The following HABP4 variants were observed in gnomAD, a reference collection of about 807,000 sequenced individuals.
HABP4 encodes the protein hyaluronan binding protein 4.
HABP4 carries 32 observed loss-of-function variants against 44.1 expected under a neutral mutation model. The ratio of observed to expected loss-of-function variants is 0.73; its 90% confidence interval spans 0.55 to 0.97. The LOEUF (loss-of-function observed/expected upper bound fraction) is 0.97. HABP4 is among the 50% of genes least tolerant of loss of function. The probability of loss-of-function intolerance (pLI) is 0.00; values close to 1 mark genes in which losing one functional copy is unlikely to be tolerated. For synonymous variants in HABP4, 216 were observed against 218.0 expected (o/e 0.99, Z 0.08); for missense variants, 503 against 561.9 (o/e 0.90, Z 1.06).
chr9:96,483,890 T>G (rs1485817743), intron 5 of HABP4: 3 of 152,318 alleles, frequency 2.0e-5, no homozygotes, highest in Non-Finnish European at 4.4e-5. Context: ...AAGCACCGTT[T>G]GTTGAAAATA....
chr9:96,450,302 C>T lies in HABP4; in HGVS notation c.23C>T (p.Pro8Leu). 6.9e-7 allele frequency: 1 copy of T among 1,440,492 alleles called. No homozygotes were observed. The highest frequency in any genetic ancestry group is 9.2e-7 in the Non-Finnish European group (1 of 1,084,070). The allele number at this position is 1,440,492 out of a possible 1,614,324, so 89.2% of individuals were successfully genotyped here. Reference sequence around the variant, plus strand: ...GGCATGAAGGGCGCTCTGGGGAGTCCCGTGGCTGCCGCTGGCGCCGCGATG... The same window carrying T: ...GGCATGAAGGGCGCTCTGGGGAGTCTCGTGGCTGCCGCTGGCGCCGCGATG... MKGALGS[P>L]VAAAGAAMQE... The change falls in exon 1 of 8, where the codon CCC becomes CTC. Residue 8 changes from proline to leucine, a missense_variant. By Grantham distance (98) the Pro-to-Leu change is moderately conservative. This residue lies in a region of HABP4 where 290 missense variants were observed against 300.5 expected (regional missense o/e 0.97). Coordinates refer to ENST00000375249, the MANE Select transcript of HABP4 (RefSeq NM_014282.4). The surrounding 1 kb of genome is among the most constrained non-coding windows in gnomAD (Gnocchi z 4.8).
chr9:96,485,470 C>T (rs1276984234), intron 6 of HABP4, among the ~76,000 whole-genome samples: 1 of 152,196 alleles, frequency 6.6e-6, no homozygotes, highest in African/African-American at 2.4e-5. Flanking sequence ...GAGATGAGTC[C>T]CCGAACGCTT....
chr9:96,466,330 A>G (rs1487086437), intron 4 of HABP4, among the ~76,000 whole-genome samples: 1 of 152,222 alleles, frequency 6.6e-6, no homozygotes, highest in East Asian at 1.9e-4. Flanking sequence ...AGATGGCACC[A>G]CTGCTCTCCA....
intron 2 of HABP4, among the ~76,000 whole-genome samples, chr9:96,465,075 C>T (rs185279689): frequency 3.0e-4 from 46 of 152,196 alleles, no homozygotes; most frequent in Non-Finnish European, 5.6e-4. Context: ...AGCCTACTCT[C>T]TGCTTCCGTT....
chr9:96,471,807 T>G (rs1367115376), intron 5 of HABP4, among the ~76,000 whole-genome samples: 4 of 152,050 alleles, frequency 2.6e-5, no homozygotes, highest in Non-Finnish European at 5.9e-5. Context: ...GGGTTTTTTT[T>G]GAGACAGAGT....
intron 2 of HABP4, among the ~76,000 whole-genome samples, chr9:96,464,383 A>AG (rs1832560947): frequency 6.6e-6 from 1 of 152,242 alleles, no homozygotes; most frequent in Non-Finnish European, 1.5e-5. Context: ...CCTCAAAAAA[A>AG]GAAATCTAAA....
At chr9:96,480,843 G>T (rs1321598460) in intron 5 of HABP4, among the ~76,000 whole-genome samples, 3 of 152,080 alleles carry the variant, frequency 2.0e-5, no homozygotes. Flanking sequence ...TACCAATCAC[G>T]CCAGAAAGTT....
chr9:96,450,165 G>A, upstream of HABP4: 3 of 1,080,596 alleles, frequency 2.8e-6, no homozygotes, highest in South Asian at 3.7e-5. This position sits in a 1 kb window ranked among gnomAD's most constrained non-coding sequence, Gnocchi z 4.8. Context: ...GGGCCGGACA[G>A]GGTAGGGCCC....
At position 96,468,963 on chromosome 9, in the gene HABP4, G is replaced by A. The variant is rs142590687; in HGVS notation, c.744-2048G>A. 1.6e-3 allele frequency among the ~76,000 whole-genome samples: 250 copies of A among 152,284 alleles called. 2 individuals carry two copies. The highest frequency in any genetic ancestry group is 2.6e-3 in the Non-Finnish European group (180 of 68,006). ...AAGTAATGTGTTTGTGGCTGGCAAAGCCCAAGTGCTTCCCAGTGTATTAAA... is the reference window on the plus strand; with the variant it reads ...AAGTAATGTGTTTGTGGCTGGCAAAACCCAAGTGCTTCCCAGTGTATTAAA... On this transcript the variant is annotated intron_variant, in intron 4 of 7. Transcript: ENST00000375249.
Position 96,484,553 on chromosome 9 carries a change from C to A in HABP4, c.919C>A (p.Pro307Thr), listed in dbSNP as rs772397326. 10 of 1,592,894 alleles carry A rather than the reference C, an allele frequency of 6.3e-6. No individual in the cohort carries two copies. In the South Asian group the frequency reaches 7.7e-5, roughly 12 times the overall value. Residue 307 changes from proline to threonine, a missense_variant, in exon 6 of 8, where the codon CCT becomes ACT. Transcript: ENST00000375249. Reference protein sequence around the residue: ...KNLQEQTRPKPEFNIRKPEST... With the variant: ...KNLQEQTRPKTEFNIRKPEST... ...TCTTCAAGAACAGACCAGACCAAAG[C>A]CTGAGTTTAACATCCGGAAACCAGA...
chr9:96,484,663 A>T (rs368387631), intron 6 of HABP4, 30 bp downstream of exon 6: 46 of 1,256,864 alleles, frequency 3.7e-5, no homozygotes, highest in Admixed American at 2.0e-4. Flanking sequence ...TGTAGAGGTA[A>T]TCTTTACTTT....
intron 1 of HABP4, among the ~76,000 whole-genome samples, chr9:96,453,670 A>G (rs567353821): frequency 6.6e-6 from 1 of 152,306 alleles, no homozygotes; most frequent in African/African-American, 2.4e-5. Flanking sequence ...ACAAAGGTCA[A>G]TTTTATTTTG....
intron 5 of HABP4, among the ~76,000 whole-genome samples, chr9:96,479,699 C>T (rs1397649563): frequency 4.6e-5 from 7 of 152,064 alleles, no homozygotes; most frequent in Non-Finnish European, 4.4e-5. Flanking sequence ...TTAGGAGAGA[C>T]GGGATTTCAC....
chr9:96,462,086 C>T (rs1451013517), intron 2 of HABP4, among the ~76,000 whole-genome samples: 1 of 149,872 alleles, frequency 6.7e-6, no homozygotes, highest in African/African-American at 2.5e-5. Context: ...GAAGAGGTTG[C>T]AGTGAGCCGA....
intron 6 of HABP4, among the ~76,000 whole-genome samples, chr9:96,484,974 GAGA>G (rs1832944318): frequency 6.6e-6 from 1 of 152,004 alleles, no homozygotes; most frequent in South Asian, 2.1e-4. Context: ...TTAATCAAAG[GAGA>G]ACTACACTCT....
chr9:96,485,638 CA>C (rs1832962710), intron 6 of HABP4, among the ~76,000 whole-genome samples: 1 of 152,194 alleles, frequency 6.6e-6, no homozygotes, highest in South Asian at 2.1e-4. Context: ...CATCTAGCAG[CA>C]TATGTTGATA....
chr9:96,470,894 C>CAAAAA, intron 4 of HABP4, 117 bp from the exon 5 acceptor site: 1 of 461,148 alleles, frequency 2.2e-6, no homozygotes, highest in Non-Finnish European at 3.9e-6. Context: ...GACTCAGTCT[C>CAAAAA]AAAAAAAAAA....
intron 5 of HABP4, among the ~76,000 whole-genome samples, chr9:96,475,044 C>T (rs1564165979): frequency 3.3e-5 from 5 of 152,094 alleles, no homozygotes; most frequent in South Asian, 2.1e-4. Flanking sequence ...TAGTGTCCGA[C>T]GATACCTGTG....
intron 2 of HABP4, among the ~76,000 whole-genome samples, chr9:96,462,027 T>G (rs1294023844): frequency 6.6e-6 from 1 of 150,852 alleles, no homozygotes; most frequent in Non-Finnish European, 1.5e-5. Context: ...GCGCCTGTAA[T>G]CCCAGCTACT....
Sources: allele counts gnomAD v4.1 joint callset (sites outside exome capture counted in the v4.1 genomes callset), GRCh38; gene constraint gnomAD v4.1.1; regional missense constraint gnomAD v4.1.1; non-coding constraint Gnocchi (gnomAD v3.1); transcripts MANE v1.5; gene names NCBI Gene and HGNC (gene_info 2026-07-23, HGNC 2026-07-21).